Variants in ZNF644 observed in about 807,000 individuals in gnomAD.
The protein encoded by ZNF644 is zinc finger motif enhancer binding protein 2.
ZNF644 carries 20 observed loss-of-function variants against 108.0 expected under a neutral mutation model. The ratio of observed to expected loss-of-function variants is 0.19; its 90% CI spans 0.13 to 0.27. The LOEUF is 0.27. Among genes scored for constraint, ZNF644 ranks in the 10% least tolerant of loss-of-function variants. The pLI is 1.00. For missense variants in ZNF644, 1,338 were observed against 1,548.9 expected (o/e 0.86, Z 2.29); for synonymous variants, 542 against 539.1 (o/e 1.01, Z -0.08).
chr1:90,976,814 A>G (rs900777420), intron 2 of ZNF644, among the ~76,000 whole-genome samples: 7 of 152,200 alleles, frequency 4.6e-5, no homozygotes, highest in African/African-American at 7.2e-5. Flanking sequence ...ACAACCCCCT[A>G]GATACCAAAA....
intron 4 of ZNF644, chr1:90,935,571 A>G (rs558772353): frequency 1.0e-6 from 1 of 985,592 alleles, no homozygotes; most frequent in South Asian, 4.7e-5. Context: ...TCTCACTTCA[A>G]AAAGTGAAAT....
intron 2 of ZNF644, among the ~76,000 whole-genome samples, chr1:90,974,754 C>T (rs938320131): frequency 6.6e-6 from 1 of 152,214 alleles, no homozygotes; most frequent in Non-Finnish European, 1.5e-5. Context: ...TCCCTGTGAT[C>T]TGTTCTCCCC....
At chr1:90,992,419 T>C (rs1570526440) in intron 1 of ZNF644, among the ~76,000 whole-genome samples, 1 of 150,124 alleles carries the variant, frequency 6.7e-6, no homozygotes, top group East Asian at 1.9e-4. Flanking sequence ...AAGATATAAA[T>C]GAATCACCTT....
At chr1:90,973,650 T>C (rs1655720692) in intron 2 of ZNF644, among the ~76,000 whole-genome samples, 1 of 152,144 alleles carries the variant, frequency 6.6e-6, no homozygotes, top group Non-Finnish European at 1.5e-5. Flanking sequence ...ATATAAACTT[T>C]TGTTTAAGAA....
intron 1 of ZNF644, among the ~76,000 whole-genome samples, chr1:90,991,580 G>A (rs1442553436): frequency 2.0e-5 from 3 of 152,284 alleles, no homozygotes; most frequent in Admixed American, 6.5e-5. Context: ...CAGAAAGCAC[G>A]GCTGGGAAAG....
intron 2 of ZNF644, among the ~76,000 whole-genome samples, chr1:90,977,090 C>T (rs1470889763): frequency 6.7e-6 from 1 of 149,990 alleles, no homozygotes; most frequent in Non-Finnish European, 1.5e-5. Context: ...TTAAGACTAA[C>T]AACTGTAGCT....
intron 1 of ZNF644, among the ~76,000 whole-genome samples, chr1:91,006,723 T>C (rs1659453748): frequency 6.6e-6 from 1 of 152,168 alleles, no homozygotes; most frequent in Non-Finnish European, 1.5e-5. Context: ...AGCCCTATCC[T>C]TGAATCTCCC....
intron 2 of ZNF644, among the ~76,000 whole-genome samples, chr1:90,951,678 C>T (rs565980147): frequency 6.6e-5 from 10 of 152,154 alleles, no homozygotes; most frequent in Non-Finnish European, 1.3e-4. Context: ...ACTAGTTTAT[C>T]CCTTCCCCCG....
At chr1:91,002,116 T>C (rs1192904059) in intron 1 of ZNF644, among the ~76,000 whole-genome samples, 3 of 152,174 alleles carry the variant, frequency 2.0e-5, no homozygotes, top group East Asian at 1.9e-4. Context: ...AGGTAATTTA[T>C]AGATTCAATG....
At chr1:90,990,157 G>A (rs74099891) in intron 1 of ZNF644, among the ~76,000 whole-genome samples, 1,927 of 152,270 alleles carry the variant, frequency 0.013, 39 homozygotes, top group African/African-American at 0.044. Context: ...ATCTGGGGGA[G>A]AGAGGAAGTG....
intron 1 of ZNF644, among the ~76,000 whole-genome samples, chr1:91,007,225 GTTTTTTTTT>G (rs35761791): frequency 3.6e-5 from 2 of 55,998 alleles, no homozygotes; most frequent in Admixed American, 5.0e-4. Flanking sequence ...CTCCCATTTT[GTTTTTTTTT>G]TTTTTTTTTT....
chr1:90,946,278 C>T (rs1055484018), intron 2 of ZNF644, among the ~76,000 whole-genome samples: 3 of 151,988 alleles, frequency 2.0e-5, no homozygotes, highest in Non-Finnish European at 4.4e-5. Flanking sequence ...TTCTGGATGT[C>T]ACATTGAGAA....
intron 1 of ZNF644, among the ~76,000 whole-genome samples, chr1:91,015,825 T>A (rs926247795): frequency 1.3e-5 from 2 of 152,160 alleles, no homozygotes; most frequent in East Asian, 3.8e-4. Context: ...AAATCTCAAG[T>A]TAATGTAGAA....
At chr1:90,982,418 C>T (rs1246650241) in intron 1 of ZNF644, 48 bp from the exon 2 acceptor site, 4 of 1,296,550 alleles carry the variant, frequency 3.1e-6, no homozygotes, top group Non-Finnish European at 4.5e-6. Context: ...TTGTTTCAGG[C>T]ATGAATAACC....
chr1:90,965,826 T>C (rs1022446296), intron 2 of ZNF644, among the ~76,000 whole-genome samples: 2 of 152,172 alleles, frequency 1.3e-5, no homozygotes, highest in East Asian at 3.9e-4. Context: ...CTCGGCTCAC[T>C]GATACCTTCA....
chr1:90,958,058 G>T (rs1653926028), intron 2 of ZNF644, among the ~76,000 whole-genome samples: 2 of 151,184 alleles, frequency 1.3e-5, no homozygotes, highest in African/African-American at 4.9e-5. Flanking sequence ...AGAAGAATAA[G>T]TGTAACCTCA....
chr1:90,997,046 TGAGG>T (rs1557645169), intron 1 of ZNF644, among the ~76,000 whole-genome samples: 1 of 152,190 alleles, frequency 6.6e-6, no homozygotes, highest in African/African-American at 2.4e-5. Flanking sequence ...TGCAGCTGGC[TGAGG>T]GAGAGAAGAA....
chr1:90,979,860 T>C (rs949108994), intron 2 of ZNF644, among the ~76,000 whole-genome samples: 3 of 152,212 alleles, frequency 2.0e-5, no homozygotes, highest in Non-Finnish European at 4.4e-5. Context: ...AAATCAACAA[T>C]GACAGTCTTA....
chr1:91,021,764 A>G (rs1356047756), intron 1 of ZNF644: 1 of 332,582 alleles, frequency 3.0e-6, no homozygotes, highest in African/African-American at 2.2e-5. Context: ...CTTGTGTAGC[A>G]CCAACTCCGC....
Sources: gnomAD v4.1 joint callset for allele counts (sites outside exome capture counted in the v4.1 genomes callset) on GRCh38, gnomAD v4.1.1 for gene constraint, MANE v1.5 for transcripts, NCBI Gene and HGNC (gene_info 2026-07-23, HGNC 2026-07-21) for gene names.